RBFOX1: variants seen among roughly 807,000 people sequenced by gnomAD.
RBFOX1 encodes RNA binding fox-1 homolog 1.
In RBFOX1, 8 loss-of-function variants were observed where a neutral mutation model predicts 57.7. That is an observed-to-expected ratio of 0.14 (90% confidence interval 0.08 to 0.25). The LOEUF is 0.25. RBFOX1 is among the 10% of genes least tolerant of loss of function. RBFOX1 has a pLI of 1.00. For synonymous variants in RBFOX1, 326 were observed against 222.4 expected, an observed-to-expected ratio of 1.47 and a Z score of -4.15; for missense variants, 611 against 548.5, an observed-to-expected ratio of 1.11 and a Z score of -1.14.
At chr16:6,826,850 C>A (rs1315035859) in intron 3 of RBFOX1, among the ~76,000 whole-genome samples, 1 of 152,106 alleles carries the variant, frequency 6.6e-6, no homozygotes, top group Non-Finnish European at 1.5e-5. Context: ...TTGAAATCCT[C>A]AAACGCAGTT....
intron 3 of RBFOX1, among the ~76,000 whole-genome samples, chr16:5,844,975 A>G (rs2056716115): frequency 6.6e-6 from 1 of 152,150 alleles, no homozygotes; most frequent in African/African-American, 2.4e-5. Context: ...TGAGGCATTC[A>G]TAACACAAGG....
chr16:5,835,176 C>A (rs1039344472), intron 3 of RBFOX1, among the ~76,000 whole-genome samples: 1 of 152,190 alleles, frequency 6.6e-6, no homozygotes, highest in African/African-American at 2.4e-5. Flanking sequence ...CTGGCCCAGC[C>A]TTAAGAGGCT....
chr16:6,604,137 C>T (rs55952114), intron 2 of RBFOX1, among the ~76,000 whole-genome samples: 4,451 of 152,100 alleles, frequency 0.029, 87 homozygotes, highest in Non-Finnish European at 0.034. Flanking sequence ...CTGTTGGCAG[C>T]ATCCCCTCGC....
At chr16:6,215,560 C>G (rs2097330731) in intron 1 of RBFOX1, among the ~76,000 whole-genome samples, 1 of 152,090 alleles carries the variant, frequency 6.6e-6, no homozygotes, top group Admixed American at 6.6e-5. Context: ...TCCCTTGGGA[C>G]TAGCAGTTGT....
At chr16:7,635,569 TG>T (rs1175292978) in intron 11 of RBFOX1, among the ~76,000 whole-genome samples, 1 of 151,484 alleles carries the variant, frequency 6.6e-6, no homozygotes, top group Non-Finnish European at 1.5e-5. Context: ...CATGCAATGG[TG>T]GGGGCGGGGG....
chr16:5,493,799 A>G (rs1008706695), intron 2 of RBFOX1, among the ~76,000 whole-genome samples: 2 of 152,246 alleles, frequency 1.3e-5, no homozygotes, highest in African/African-American at 4.8e-5. Flanking sequence ...CAAGGTAACC[A>G]CACTGGAGAC....
At chr16:5,345,613 G>C (rs2065122846) in intron 1 of RBFOX1, among the ~76,000 whole-genome samples, 2 of 152,156 alleles carry the variant, frequency 1.3e-5, no homozygotes, top group African/African-American at 4.8e-5. Flanking sequence ...TTTAATTATT[G>C]AGTCTGCATT....
chr16:7,177,767 A>T (rs1186380455), intron 4 of RBFOX1, among the ~76,000 whole-genome samples: 3 of 152,034 alleles, frequency 2.0e-5, no homozygotes, highest in African/African-American at 7.2e-5. Context: ...CTCCGCTGCA[A>T]CTCCTCAACT....
chr16:7,187,486 G>A (rs965811613), intron 4 of RBFOX1, among the ~76,000 whole-genome samples: 9 of 151,310 alleles, frequency 5.9e-5, no homozygotes, highest in African/African-American at 9.7e-5. Context: ...TCAGGAGATC[G>A]AGACCATCCT....
At chr16:7,089,277 T>C (rs1353103283) in intron 4 of RBFOX1, among the ~76,000 whole-genome samples, 1 of 152,224 alleles carries the variant, frequency 6.6e-6, no homozygotes, top group Non-Finnish European at 1.5e-5. Context: ...ATAAAATCAC[T>C]AGTTAAAACT....
chr16:7,352,548 A>G (rs2097147158), intron 4 of RBFOX1, among the ~76,000 whole-genome samples: 1 of 151,994 alleles, frequency 6.6e-6, no homozygotes, highest in African/African-American at 2.4e-5. Flanking sequence ...CTTTTGTTCT[A>G]GGGCCCTTTG....
chr16:6,253,195 C>A (rs1370234424), intron 1 of RBFOX1, among the ~76,000 whole-genome samples: 1 of 152,120 alleles, frequency 6.6e-6, no homozygotes, highest in East Asian at 1.9e-4. Context: ...TTCTATTTCT[C>A]CTAGAGGAAG....
chr16:7,199,969 A>C (rs72636222), intron 4 of RBFOX1, among the ~76,000 whole-genome samples: 27,468 of 152,128 alleles, frequency 0.18, 2,680 homozygotes, highest in East Asian at 0.37. Flanking sequence ...GTGTTGGGGA[A>C]CACTTTTGTA....
intron 2 of RBFOX1, among the ~76,000 whole-genome samples, chr16:6,381,933 G>T (rs2795558): frequency 0.23 from 34,438 of 152,152 alleles, 6,740 homozygotes; most frequent in African/African-American, 0.53. Flanking sequence ...ATGTCCGGCT[G>T]GTCGATCATC....
intron 4 of RBFOX1, among the ~76,000 whole-genome samples, chr16:7,416,863 A>T (rs2098482981): frequency 6.6e-6 from 1 of 152,126 alleles, no homozygotes; most frequent in African/African-American, 2.4e-5. Context: ...ATATTATCTC[A>T]TTCAATCCCC....
chr16:7,011,766 G>C (rs543600088), intron 3 of RBFOX1, among the ~76,000 whole-genome samples: 3 of 152,210 alleles, frequency 2.0e-5, no homozygotes, highest in African/African-American at 4.8e-5. Context: ...CGCCTGCCTT[G>C]GCCTTCCAAA....
rs201523653 is a variant in RBFOX1, at chr16:7,428,323, C to CT, written c.28-89803dup. 8.2e-3 allele frequency among the ~76,000 whole-genome samples: 922 copies of CT among 112,290 alleles called. 15 individuals are homozygous for CT. The highest frequency in any genetic ancestry group is 0.027 in the East Asian group (107 of 3,964). 73.7% of individuals were successfully genotyped at this position (112,290 alleles called of 152,430 possible). A position where few individuals can be genotyped will look rare whatever the true frequency, so the allele number is the denominator to read the frequency against. On this transcript the variant is annotated intron_variant, in intron 4 of 15. Coordinates refer to ENST00000550418, the MANE Select transcript of RBFOX1 (RefSeq NM_018723.4). ...ATATTTGACCTATGAGAATTAATATCTTTTTTTTTTTTTTTTTTTTTGAGA... is the reference window on the plus strand; with the variant it reads ...ATATTTGACCTATGAGAATTAATATCTTTTTTTTTTTTTTTTTTTTTTGAGA...
intron 3 of RBFOX1, among the ~76,000 whole-genome samples, chr16:5,776,819 G>A (rs1256916707): frequency 6.6e-6 from 1 of 152,174 alleles, no homozygotes; most frequent in Non-Finnish European, 1.5e-5. Context: ...GAACAGCCCT[G>A]TCCAGGAGAT....
At chr16:5,287,108 T>C (rs2063414066) in intron 1 of RBFOX1, among the ~76,000 whole-genome samples, 1 of 152,158 alleles carries the variant, frequency 6.6e-6, no homozygotes, top group South Asian at 2.1e-4. Flanking sequence ...AGTTTGAAAC[T>C]AACTTGGGCA....
Sources: gnomAD v4.1 joint callset for allele counts (sites outside exome capture counted in the v4.1 genomes callset) on GRCh38, gnomAD v4.1.1 for gene constraint, MANE v1.5 for transcripts, NCBI Gene and HGNC (gene_info 2026-07-23, HGNC 2026-07-21) for gene names.